The following SEC31B variants were observed in gnomAD, a reference collection of about 807,000 sequenced individuals.
SEC31B encodes the protein SEC31 homolog B, COPII component.
SEC31B carries 113 observed loss-of-function variants against 135.0 expected under a neutral mutation model. The ratio of observed to expected loss-of-function variants is 0.84; its 90% CI spans 0.72 to 0.98. SEC31B has a LOEUF of 0.98. Ranked by LOEUF, SEC31B falls within the 50% of genes least tolerant of loss-of-function variation. SEC31B has a pLI of 0.00. For synonymous variants in SEC31B, 508 were observed against 549.4 expected, an observed-to-expected ratio of 0.92 and a Z score of 1.05; for missense variants, 1,296 against 1,421.1, an observed-to-expected ratio of 0.91 and a Z score of 1.42.
At chr10:100,494,691 C>T (rs1188395870) in intron 19 of SEC31B, among the ~76,000 whole-genome samples, 1 of 152,218 alleles carries the variant, frequency 6.6e-6, no homozygotes, top group East Asian at 1.9e-4. Context: ...TCTGATCAAA[C>T]ATCCGACTTG....
Position 100,516,121 on chromosome 10 carries a change from T to G in SEC31B, c.178A>C (p.Arg60=), listed in dbSNP as rs1168635738. 1.9e-6 allele frequency: 3 copies of G among 1,614,182 alleles called. No homozygotes were observed. Among genetic ancestry groups the G allele is most frequent in the Non-Finnish European group, 2.5e-6 (3 of 1,180,026 alleles). The change falls in exon 3 of 26, where the codon AGA becomes CGA. Residue 60 remains arginine (R), a synonymous_variant. Coordinates refer to ENST00000370345, the MANE Select transcript of SEC31B (RefSeq NM_015490.4). ...CTGCTCAAGGCAGAAAGGACTCCTC[T>G]GTGTTTCAAGTCCAGAGAAGGGTCC... ...FRDPSLDLKH[R]GVLSALSRFH...
chr10:100,518,075 G>A (rs1277715942), intron 1 of SEC31B, among the ~76,000 whole-genome samples: 2 of 152,136 alleles, frequency 1.3e-5, no homozygotes. Flanking sequence ...CACAGCAGCA[G>A]GAGTGAACTT....
chr10:100,498,084 A>G lies in SEC31B; in HGVS notation c.1808T>C (p.Leu603Pro), dbSNP rs1157073625. The G allele has an allele frequency of 6.2e-7, 1 of 1,614,210 alleles. No individual in the cohort carries two copies. Among genetic ancestry groups the G allele is most frequent in the Non-Finnish European group, 8.5e-7 (1 of 1,180,044 alleles). Reference sequence around the variant, plus strand: ...GTAGCGCTCCTGTGTTTGCTTCAGCAGATCTGTACCCCCAGCCTGGGCCAG... The same window carrying G: ...GTAGCGCTCCTGTGTTTGCTTCAGCGGATCTGTACCCCCAGCCTGGGCCAG... ...IILAQAGGTD[L>P]LKQTQERYLA... Residue 603 changes from leucine to proline, a missense_variant, in exon 15 of 26, where the codon CTG (leucine) becomes CCG (proline). Leu to Pro is a moderately conservative substitution (Grantham distance 98). Transcript: ENST00000370345.
Position 100,499,157 on chromosome 10 carries a change from C to G in SEC31B, c.1584+3G>C. ...GGTCAGGCTGACTGGACTCCTACCA[C>G]ACCTGGCTGCAGAAGGCCTGTTGTC... On this transcript the variant is annotated splice_donor_region_variant and intron_variant, in intron 13 of 25. Coordinates refer to ENST00000370345, the MANE Select transcript of SEC31B (RefSeq NM_015490.4). The G allele has an allele frequency of 6.2e-7, 1 of 1,613,610 alleles. No homozygotes were observed. The highest frequency in any genetic ancestry group is 8.5e-7 in the Non-Finnish European group (1 of 1,179,608).
chr10:100,490,649 A>G (rs1024139914), intron 20 of SEC31B, 57 bp downstream of exon 20: 25 of 1,469,898 alleles, frequency 1.7e-5, no homozygotes, highest in East Asian at 9.7e-5. Context: ...GGCCATGCCA[A>G]TTGCTTTCCT....
Position 100,488,098 on chromosome 10 carries a change from T to G in SEC31B, c.3289A>C (p.Lys1097Gln), listed in dbSNP as rs200945010. Reference protein sequence around the residue: ...QRCSLSATDLKTKRKLEEAAQ... With the variant: ...QRCSLSATDLQTKRKLEEAAQ... ...GCCTCTTCCAGCTTCCTTTTTGTCT[T>G]CTGCAGGGAAAGAAATGGATTCCAA... Residue 1097 changes from lysine to glutamine, a missense_variant and splice_region_variant, in exon 25 of 26, where the codon AAG (lysine) becomes CAG (glutamine). Transcript: ENST00000370345. 6.2e-7 allele frequency: 1 copy of G among 1,613,946 alleles called. No homozygotes were observed.
In SEC31B at chr10:100,489,422, T is replaced by C. The variant is rs773406085; in HGVS notation, c.3025-24A>G. On this transcript the variant is annotated intron_variant, in intron 22 of 25. Transcript: ENST00000370345. ...AGCTAAAGAGACAGAAGGAAAGACA[T>C]GAGTCTAACCTGAGAGACTCCATGG... 6 of 1,612,312 alleles carry C rather than the reference T, an allele frequency of 3.7e-6. No homozygotes were observed. In the South Asian group the frequency reaches 6.6e-5, roughly 18 times the overall value.
intron 10 of SEC31B, 25 bp downstream of exon 10, chr10:100,505,336 A>T: frequency 6.2e-7 from 1 of 1,612,142 alleles, no homozygotes; most frequent in Non-Finnish European, 8.5e-7. Flanking sequence ...AAACACACAC[A>T]CACCTATACA....
At chr10:100,507,773 G>C (rs1462887152) in intron 6 of SEC31B, 135 bp downstream of exon 6, 3 of 1,349,844 alleles carry the variant, frequency 2.2e-6, no homozygotes, top group Non-Finnish European at 3.1e-6. Context: ...CTCTCAATAG[G>C]AAATGTGCTA....
At chr10:100,506,875 G>C (rs1023492932) in intron 7 of SEC31B, among the ~76,000 whole-genome samples, 6 of 152,278 alleles carry the variant, frequency 3.9e-5, no homozygotes, top group Admixed American at 1.3e-4. Context: ...CGAGCGGGGA[G>C]GATCACTTGA....
intron 11 of SEC31B, among the ~76,000 whole-genome samples, chr10:100,501,245 C>CA (rs993434037): frequency 4.0e-5 from 6 of 151,446 alleles, no homozygotes; most frequent in Non-Finnish European, 7.4e-5. Flanking sequence ...AACTCTGTCT[C>CA]AAAAAAACAA....
chr10:100,506,978 A>C (rs7080356), intron 7 of SEC31B, among the ~76,000 whole-genome samples: 34,910 of 152,000 alleles, frequency 0.23, 4,195 homozygotes, highest in African/African-American at 0.28. Context: ...AAATAAAGGT[A>C]CCCAAGGAGA....
chr10:100,499,215 G>C lies in SEC31B; in HGVS notation c.1529C>G (p.Pro510Arg). The change falls in exon 13 of 26, where the codon CCT (proline) becomes CGT (arginine). Residue 510 changes from proline (P) to arginine (R), a missense_variant. Physicochemically the swap from Pro to Arg is moderately radical, Grantham distance 103 (BLOSUM62 -2). Coordinates refer to ENST00000370345, the MANE Select transcript of SEC31B (RefSeq NM_015490.4). ...LKSDVGLGES[P>R]QPKGNDLNSD... is the part of the protein sequence containing the mutation. ...GTTGAGGTCATTTCCCTTGGGCTGA[G>C]GACTCTCACCTAGCCCCACGTCACT... is the stretch of plus-strand genomic sequence containing the variant. 1 of 1,613,840 alleles carries C rather than the reference G, an allele frequency of 6.2e-7. No homozygotes were observed. The highest frequency in any genetic ancestry group is 8.5e-7 in the Non-Finnish European group (1 of 1,179,942).
chr10:100,497,202 C>T lies in SEC31B; in HGVS notation c.2069G>A (p.Gly690Glu). The stretch of plus-strand genomic sequence containing the variant: ...GCACTCCACCAGCCGCTCCACACTC[C>T]CTGAGCACACATAACAGAGTCTGGC... ...SEARLCYVCS[G>E]SVERLVECWA... Residue 690 changes from glycine (G) to glutamate (E), a missense_variant, in exon 17 of 26, where the codon GGG becomes GAG. Coordinates refer to ENST00000370345, the MANE Select transcript of SEC31B (RefSeq NM_015490.4). The T allele has an allele frequency of 5.6e-6, 9 of 1,614,242 alleles. No individual in the cohort carries two copies. Among genetic ancestry groups the T allele is most frequent in the Non-Finnish European group, 7.6e-6 (9 of 1,180,038 alleles).
chr10:100,503,003 T>C (rs1851551452), intron 10 of SEC31B, among the ~76,000 whole-genome samples: 1 of 152,188 alleles, frequency 6.6e-6, no homozygotes, highest in Non-Finnish European at 1.5e-5. Flanking sequence ...GGAGCCTGTG[T>C]GGTTTCACAA....
chr10:100,492,693 A>G (rs1447809537), intron 19 of SEC31B, among the ~76,000 whole-genome samples: 1 of 152,254 alleles, frequency 6.6e-6, no homozygotes, highest in Non-Finnish European at 1.5e-5. Context: ...AAAAACTTCT[A>G]TAACTATTCA....
chr10:100,509,111 A>G lies in SEC31B; in HGVS notation c.400-9T>C, dbSNP rs1851689422. Reference sequence around the variant, plus strand: ...GAAGCCAGGAGGTTGCCCTGTATGAATAAAAAGTGTTTGGAGACATACCAC... The same window carrying G: ...GAAGCCAGGAGGTTGCCCTGTATGAGTAAAAAGTGTTTGGAGACATACCAC... On this transcript the variant is annotated splice_polypyrimidine_tract_variant and intron_variant, in intron 4 of 25. Transcript: ENST00000370345. 6.2e-7 allele frequency: 1 copy of G among 1,612,958 alleles called. No individual in the cohort carries two copies. The highest frequency in any genetic ancestry group is 2.2e-5 in the East Asian group (1 of 44,872).
In SEC31B at chr10:100,497,159, C is replaced by A; in HGVS notation, c.2112G>T (p.Gln704His). The A allele has an allele frequency of 6.2e-7, 1 of 1,614,178 alleles. No homozygotes were observed. The highest frequency in any genetic ancestry group is 2.2e-5 in the East Asian group (1 of 44,882). Residue 704 changes from glutamine (Q) to histidine (H), a missense_variant, in exon 17 of 26, where the codon CAG becomes CAT. Transcript: ENST00000370345. ...RLVECWAKCH[Q>H]ALSPMALQDL... is the part of the protein sequence containing the mutation. ...CCTGCAGAGCCATGGGGGACAAAGC[C>A]TGGTGGCATTTTGCCCAGCACTCCA...
Position 100,498,087 on chromosome 10 carries a change from T to A in SEC31B, c.1805A>T (p.Asp602Val). 1 of 1,614,202 alleles carries A rather than the reference T, an allele frequency of 6.2e-7. No individual in the cohort carries two copies. The highest frequency in any genetic ancestry group is 8.5e-7 in the Non-Finnish European group (1 of 1,180,040). ...GCGCTCCTGTGTTTGCTTCAGCAGA[T>A]CTGTACCCCCAGCCTGGGCCAGGAT... is the stretch of plus-strand genomic sequence containing the variant. ...AIILAQAGGT[D>V]LLKQTQERYL... The change falls in exon 15 of 26, where the codon GAT becomes GTT. Residue 602 changes from aspartate (D) to valine (V), a missense_variant. By Grantham distance (152) the Asp-to-Val change is radical (BLOSUM62 -3). Coordinates refer to ENST00000370345, the MANE Select transcript of SEC31B (RefSeq NM_015490.4).
Sources: allele counts gnomAD v4.1 joint callset (sites outside exome capture counted in the v4.1 genomes callset), GRCh38; gene constraint gnomAD v4.1.1; transcripts MANE v1.5; gene names NCBI Gene and HGNC (gene_info 2026-07-23, HGNC 2026-07-21).